The following MDGA2 variants were observed in gnomAD, a reference collection of about 807,000 sequenced individuals.
MDGA2 encodes the protein MAM domain-containing glycosylphosphatidylinositol anchor protein 2.
A neutral mutation model predicts 117.8 loss-of-function variants in MDGA2; 40 were observed. That is an observed-to-expected ratio of 0.34 (90% CI 0.26 to 0.44). MDGA2 has a LOEUF of 0.44. Among genes scored for constraint, MDGA2 ranks in the 20% least tolerant of loss-of-function variants. The probability of loss-of-function intolerance (pLI) is 1.00; values close to 1 mark genes in which losing one functional copy is unlikely to be tolerated. For missense variants in MDGA2, 1,123 were observed against 1,250.6 expected, an observed-to-expected ratio of 0.90 and a Z score of 1.54; for synonymous variants, 452 against 439.0, an observed-to-expected ratio of 1.03 and a Z score of -0.37.
At chr14:47,330,791 T>C (rs1396479759) in intron 1 of MDGA2, among the ~76,000 whole-genome samples, 1 of 151,952 alleles carries the variant, frequency 6.6e-6, no homozygotes, top group African/African-American at 2.4e-5. Context: ...CATTTCCTTT[T>C]TGACAGCTGA....
intron 10 of MDGA2, among the ~76,000 whole-genome samples, chr14:46,915,596 C>T (rs1883867968): frequency 6.6e-6 from 1 of 152,006 alleles, no homozygotes; most frequent in Non-Finnish European, 1.5e-5. Flanking sequence ...ATGAAGAAAG[C>T]CCATATTCTA....
At chr14:46,905,141 T>G (rs1253385107) in intron 10 of MDGA2, among the ~76,000 whole-genome samples, 1 of 152,190 alleles carries the variant, frequency 6.6e-6, no homozygotes. Flanking sequence ...CACAATATCA[T>G]TATTAAGTTC....
intron 8 of MDGA2, among the ~76,000 whole-genome samples, chr14:47,012,000 T>C (rs1287238804): frequency 2.8e-4 from 1 of 3,584 alleles, no homozygotes; most frequent in African/African-American, 8.1e-4. Context: ...TCCTGAATTG[T>C]GTCATCGTTA....
At chr14:47,094,727 C>T (rs998141659) in intron 6 of MDGA2, among the ~76,000 whole-genome samples, 1 of 151,912 alleles carries the variant, frequency 6.6e-6, no homozygotes, top group African/African-American at 2.4e-5. Flanking sequence ...TACTTCAATA[C>T]TTTAATAATT....
chr14:47,053,300 T>C (rs1165918987), intron 7 of MDGA2, among the ~76,000 whole-genome samples: 2 of 151,818 alleles, frequency 1.3e-5, no homozygotes, highest in African/African-American at 4.8e-5. Flanking sequence ...ATACAATTAC[T>C]TGTGAAGTCT....
intron 10 of MDGA2, among the ~76,000 whole-genome samples, chr14:46,885,830 C>T (rs1029257052): frequency 3.3e-5 from 5 of 152,090 alleles, no homozygotes; most frequent in South Asian, 2.1e-4. Flanking sequence ...CCAAGGAGGA[C>T]GCTGCACATG....
At chr14:47,425,690 T>C (rs1892673018) in intron 1 of MDGA2, among the ~76,000 whole-genome samples, 1 of 152,136 alleles carries the variant, frequency 6.6e-6, no homozygotes, top group African/African-American at 2.4e-5. Context: ...GAGTTCAATT[T>C]TGATATACTA....
intron 1 of MDGA2, among the ~76,000 whole-genome samples, chr14:47,367,846 T>C (rs1044799019): frequency 1.1e-4 from 17 of 152,218 alleles, no homozygotes; most frequent in African/African-American, 3.9e-4. Flanking sequence ...TATCTATTAC[T>C]AAAGCGATGT....
chr14:47,281,451 AT>A (rs1222542118), intron 2 of MDGA2, among the ~76,000 whole-genome samples: 1 of 152,132 alleles, frequency 6.6e-6, no homozygotes, highest in Non-Finnish European at 1.5e-5. Context: ...GTTTATTTCC[AT>A]TTTTAAAATG....
rs116987126 is a variant in MDGA2 at position 47,101,623 on chromosome 14, C to T, written c.926-4500G>A. ...TCCCACAATGGTGGAATGGAGGGAG[C>T]AGAGAGACCAGCTAGCACTGAAAAG... On this transcript the variant is annotated intron_variant, in intron 5 of 16. Transcript: ENST00000399232. Among the ~76,000 whole-genome samples, 973 of 152,256 alleles carry T rather than the reference C, an allele frequency of 6.4e-3. 8 individuals are homozygous for T. Among genetic ancestry groups the T allele is most frequent in the Middle Eastern group, 6.8e-3 (2 of 292 alleles).
chr14:47,523,309 A>T lies in MDGA2; in HGVS notation c.280+151208T>A, dbSNP rs188341231. ...ATTAGAATCACCAAAATAGTTCTGG[A>T]TATACATTAGAAGTTCAACACAAAA... On this transcript the variant is annotated intron_variant, in intron 1 of 16. Coordinates refer to ENST00000399232, the MANE Select transcript of MDGA2 (RefSeq NM_001113498.3). Among the ~76,000 whole-genome samples, 50 of 152,316 alleles carry T rather than the reference A, an allele frequency of 3.3e-4. No homozygotes were observed. The East Asian group carries it at 7.1e-3, about 22-fold the overall frequency.
At chr14:46,867,481 A>T (rs916696762) in intron 14 of MDGA2, among the ~76,000 whole-genome samples, 28 of 152,220 alleles carry the variant, frequency 1.8e-4, no homozygotes, top group African/African-American at 6.3e-4. Context: ...AGCATGGCAC[A>T]TGTATACATA....
At position 47,540,975 on chromosome 14, in the gene MDGA2, A is replaced by G. The variant is rs1467959948; in HGVS notation, c.280+133542T>C. ...CACTATATTATATTTTATGTCCTAG[A>G]TTACTGCCTGATCAGTAAATACATG... is the stretch of plus-strand genomic sequence containing the variant. On this transcript the variant is annotated intron_variant, in intron 1 of 16. Coordinates refer to ENST00000399232, the MANE Select transcript of MDGA2 (RefSeq NM_001113498.3). Among the ~76,000 whole-genome samples the G allele has an allele frequency of 2.6e-5, 4 of 152,144 alleles. No homozygotes were observed. In the East Asian group the frequency reaches 7.7e-4, roughly 29 times the overall value.
rs568564365 is a variant in MDGA2 at position 47,077,157 on chromosome 14, G to A, written c.1196-15579C>T. Among the ~76,000 whole-genome samples, 15 of 152,114 alleles carry A rather than the reference G, an allele frequency of 9.9e-5. No homozygotes were observed. The South Asian group carries it at 1.0e-3, about 11-fold the overall frequency. ...ACACTACTGAACAGCACAGTTAGGCGCTGGATTCCTTTTGATTATAACAGA... is the reference window on the plus strand; with the variant it reads ...ACACTACTGAACAGCACAGTTAGGCACTGGATTCCTTTTGATTATAACAGA... On this transcript the variant is annotated intron_variant, in intron 6 of 16. Coordinates refer to ENST00000399232, the MANE Select transcript of MDGA2 (RefSeq NM_001113498.3).
At chr14:47,029,481 A>G (rs557628227) in intron 8 of MDGA2, among the ~76,000 whole-genome samples, 1 of 152,328 alleles carries the variant, frequency 6.6e-6, no homozygotes, top group South Asian at 2.1e-4. Flanking sequence ...TTTTTAGTAT[A>G]TATTTTATAC....
intron 5 of MDGA2, among the ~76,000 whole-genome samples, chr14:47,104,050 T>C (rs1354098979): frequency 1.3e-5 from 2 of 152,214 alleles, no homozygotes; most frequent in African/African-American, 4.8e-5. Flanking sequence ...TTACTTCACC[T>C]GCCTGTTCTC....
chr14:47,146,357 C>G (rs72680213), intron 3 of MDGA2, among the ~76,000 whole-genome samples: 1 of 152,080 alleles, frequency 6.6e-6, no homozygotes, highest in African/African-American at 2.4e-5. Context: ...TTTAAATTTA[C>G]AGAACAACTG....
chr14:47,158,834 A>C (rs898785887), intron 3 of MDGA2, among the ~76,000 whole-genome samples: 3 of 152,260 alleles, frequency 2.0e-5, no homozygotes, highest in Non-Finnish European at 2.9e-5. Flanking sequence ...AAGGTAGCAC[A>C]TACAGACAGT....
At chr14:47,361,644 G>C (rs1891128288) in intron 1 of MDGA2, among the ~76,000 whole-genome samples, 1 of 151,768 alleles carries the variant, frequency 6.6e-6, no homozygotes, top group Non-Finnish European at 1.5e-5. Flanking sequence ...CCTTCTAATG[G>C]GCTTCAGAAT....
Sources: allele counts gnomAD v4.1 joint callset (sites outside exome capture counted in the v4.1 genomes callset), GRCh38; gene constraint gnomAD v4.1.1; transcripts MANE v1.5; gene names NCBI Gene and HGNC (gene_info 2026-07-23, HGNC 2026-07-21).